Variants in CCDC7 observed in about 807,000 individuals in gnomAD.
The protein encoded by CCDC7 is coiled-coil domain-containing protein 7.
In CCDC7, 183 loss-of-function variants were observed where a neutral mutation model predicts 196.9. The observed-to-expected ratio is 0.93, with a 90% CI of 0.82 to 1.05. CCDC7 has a LOEUF of 1.05. Ranked by LOEUF, CCDC7 falls within the 50% of genes least tolerant of loss-of-function variation. CCDC7 has a pLI of 0.00. For synonymous variants in CCDC7, 525 were observed against 484.6 expected (o/e 1.08, Z -1.10); for missense variants, 1,540 against 1,482.2 (o/e 1.04, Z -0.64).
At position 32,511,841 on chromosome 10, in the gene CCDC7, T is replaced by C. The variant is rs1355416861; in HGVS notation, c.873-6104T>C. On this transcript the variant is annotated intron_variant, in intron 9 of 41. Transcript: ENST00000639629. ...CTCTGCCCGCGCCACCAGCGGCGCT[T>C]TCCGATGATCTCACCAATGTATAGC... 8.3e-6 allele frequency: 6 copies of C among 723,350 alleles called. No homozygotes were observed. In the East Asian group the frequency reaches 1.3e-4, roughly 16 times the overall value. 44.8% of individuals were successfully genotyped at this position (723,350 alleles called of 1,614,324 possible).
Position 32,741,572 on chromosome 10 carries a change from G to T in CCDC7, c.2905+12115G>T, listed in dbSNP as rs573564798. Among the ~76,000 whole-genome samples, 91 of 152,044 alleles carry T rather than the reference G, an allele frequency of 6.0e-4. 2 individuals carry two copies. The South Asian group carries it at 0.016, about 27-fold the overall frequency. ...TTTGCATCCCACAAATACTGTATTT[G>T]TAATCTATATTTGGTTGGAAAAAAA... On this transcript the variant is annotated intron_variant, in intron 28 of 41. Coordinates refer to ENST00000639629, the Ensembl canonical transcript of CCDC7.
chr10:32,766,986 G>A (rs1565444689), intron 28 of CCDC7, among the ~76,000 whole-genome samples: 1 of 151,992 alleles, frequency 6.6e-6, no homozygotes, highest in Non-Finnish European at 1.5e-5. Flanking sequence ...TTTCTGTAAG[G>A]GGGATGAATA....
intron 41 of CCDC7, among the ~76,000 whole-genome samples, chr10:32,861,089 G>A (rs2093962345): frequency 8.2e-6 from 1 of 122,242 alleles, no homozygotes; most frequent in African/African-American, 3.1e-5. Flanking sequence ...CCAAAAAAGA[G>A]CCTGCATAGC....
intron 8 of CCDC7, among the ~76,000 whole-genome samples, chr10:32,480,696 T>A (rs762480269): frequency 6.6e-6 from 1 of 152,200 alleles, no homozygotes; most frequent in Admixed American, 6.5e-5. Flanking sequence ...TCTAGTTTCA[T>A]GCCACTGTGA....
intron 9 of CCDC7, among the ~76,000 whole-genome samples, chr10:32,500,170 C>T (rs367760559): frequency 5.0e-4 from 76 of 151,936 alleles, no homozygotes; most frequent in Non-Finnish European, 5.2e-4. Flanking sequence ...ACTTCCCAGA[C>T]GGGGCGGCTG....
chr10:32,461,060 A>G (rs2035520902), intron 3 of CCDC7, among the ~76,000 whole-genome samples: 1 of 152,116 alleles, frequency 6.6e-6, no homozygotes, highest in Non-Finnish European at 1.5e-5. Context: ...GAAAACTTTT[A>G]CCCAATTTGA....
chr10:32,491,870 T>C (rs2042207224), intron 8 of CCDC7, 52 bp from the exon 10 acceptor site: 1 of 1,497,426 alleles, frequency 6.7e-7, no homozygotes, highest in South Asian at 1.4e-5. Flanking sequence ...CATAGAGCTA[T>C]AACTTAAGCT....
intron 11 of CCDC7, among the ~76,000 whole-genome samples, chr10:32,524,101 G>A (rs1378458384): frequency 7.3e-6 from 1 of 136,268 alleles, no homozygotes; most frequent in Non-Finnish European, 1.6e-5. Context: ...AGGTGACTTT[G>A]TCTGGTGGTT....
chr10:32,802,747 TGG>T (rs2085059100), intron 29 of CCDC7, among the ~76,000 whole-genome samples: 1 of 152,214 alleles, frequency 6.6e-6, no homozygotes, highest in African/African-American at 2.4e-5. Flanking sequence ...GGAAAACTAC[TGG>T]TGTAGGTCCA....
intron 41 of CCDC7, among the ~76,000 whole-genome samples, chr10:32,866,861 C>T (rs1474947395): frequency 6.6e-6 from 1 of 151,482 alleles, no homozygotes; most frequent in Non-Finnish European, 1.5e-5. Context: ...ACATAATAGA[C>T]ACCATTACAA....
chr10:32,704,827 T>A (rs760114804), intron 24 of CCDC7, among the ~76,000 whole-genome samples: 1 of 152,156 alleles, frequency 6.6e-6, no homozygotes, highest in Admixed American at 6.5e-5. Context: ...GCGGGATATA[T>A]TCTCCTGGTG....
chr10:32,858,433 A>C (rs947213888), intron 41 of CCDC7, among the ~76,000 whole-genome samples: 7 of 152,146 alleles, frequency 4.6e-5, no homozygotes, highest in Non-Finnish European at 1.0e-4. Context: ...ACAACAATTA[A>C]ACATTATCAA....
intron 20 of CCDC7, among the ~76,000 whole-genome samples, chr10:32,638,646 G>A (rs1329083494): frequency 1.3e-5 from 2 of 152,086 alleles, no homozygotes; most frequent in Non-Finnish European, 2.9e-5. Context: ...ATTTTATTGA[G>A]GATTTTTGCA....
chr10:32,488,852 A>G (rs892551803), intron 8 of CCDC7, among the ~76,000 whole-genome samples: 2 of 152,188 alleles, frequency 1.3e-5, no homozygotes, highest in Non-Finnish European at 2.9e-5. Flanking sequence ...ATATGAAAAG[A>G]TCTTCACCTA....
chr10:32,575,844 T>A (rs1272071133), intron 16 of CCDC7, among the ~76,000 whole-genome samples: 3 of 152,186 alleles, frequency 2.0e-5, no homozygotes, highest in Non-Finnish European at 2.9e-5. Context: ...GGCTGACACC[T>A]GGTTCTGAGC....
chr10:32,557,707 A>G (rs2054597354), intron 13 of CCDC7, among the ~76,000 whole-genome samples: 1 of 151,914 alleles, frequency 6.6e-6, no homozygotes, highest in Non-Finnish European at 1.5e-5. Context: ...TTTTTTTTTA[A>G]AGAGACATTG....
exon 23 of CCDC7, chr10:32,689,137 G>C: frequency 4.4e-6 from 7 of 1,595,266 alleles, no homozygotes; most frequent in Non-Finnish European, 6.0e-6. Flanking sequence ...AAGGAACAAA[G>C]AACTCTCAAA....
At chr10:32,853,003 T>C (rs2093620207) in intron 40 of CCDC7, among the ~76,000 whole-genome samples, 1 of 152,152 alleles carries the variant, frequency 6.6e-6, no homozygotes, top group African/African-American at 2.4e-5. Context: ...GTTTTGTTGG[T>C]TGGAACTCCT....
intron 31 of CCDC7, among the ~76,000 whole-genome samples, chr10:32,818,057 G>C (rs926121088): frequency 2.2e-4 from 33 of 152,160 alleles, no homozygotes; most frequent in African/African-American, 7.5e-4. Context: ...TGGATAAAGA[G>C]TCAAGACCCA....
Sources: allele counts gnomAD v4.1 joint callset (sites outside exome capture counted in the v4.1 genomes callset), GRCh38; gene constraint gnomAD v4.1.1; transcripts MANE v1.5; gene names NCBI Gene and HGNC (gene_info 2026-07-23, HGNC 2026-07-21).